Variants in MYO1D observed in about 807,000 individuals in gnomAD.
MYO1D encodes myosin ID.
MYO1D carries 83 observed loss-of-function variants against 122.0 expected under a neutral mutation model. The ratio of observed to expected loss-of-function variants is 0.68; its 90% CI spans 0.57 to 0.82. MYO1D has a LOEUF of 0.82. Ranked by LOEUF, MYO1D falls within the 40% of genes least tolerant of loss-of-function variation. The pLI is 0.00. For synonymous variants in MYO1D, 464 were observed against 446.9 expected (o/e 1.04, Z -0.48); for missense variants, 1,157 against 1,269.5 (o/e 0.91, Z 1.35).
chr17:32,796,560 G>A (rs908210430), intron 1 of MYO1D, among the ~76,000 whole-genome samples: 5 of 152,040 alleles, frequency 3.3e-5, no homozygotes, highest in African/African-American at 7.2e-5. Flanking sequence ...CTACAGGCGC[G>A]GGCCACCACA....
chr17:32,554,160 A>G (rs2150886356), intron 21 of MYO1D, among the ~76,000 whole-genome samples: 1 of 152,198 alleles, frequency 6.6e-6, no homozygotes, highest in African/African-American at 2.4e-5. Context: ...TTAAAACTCC[A>G]CTGGGATTCT....
intron 20 of MYO1D, among the ~76,000 whole-genome samples, chr17:32,613,654 A>G (rs321147): frequency 1.1e-4 from 16 of 152,032 alleles, no homozygotes; most frequent in South Asian, 2.1e-4. Context: ...CGTGCCTGTA[A>G]TCCCAGCTAC....
chr17:32,778,602 C>T (rs778020486), intron 2 of MYO1D, 29 bp from the exon 3 acceptor site: 2 of 1,563,542 alleles, frequency 1.3e-6, no homozygotes. Context: ...CAGGGCTTAA[C>T]ATAATAATTT....
chr17:32,683,333 TAG>T lies in MYO1D; in HGVS notation c.2122-23997_2122-23996del, dbSNP rs1411507751. Among the ~76,000 whole-genome samples the T allele has an allele frequency of 7.9e-5, 12 of 152,360 alleles. No individual in the cohort carries two copies. The South Asian group carries it at 1.0e-3, about 13-fold the overall frequency. On this transcript the variant is annotated intron_variant, in intron 16 of 21. Transcript: ENST00000318217. The stretch of plus-strand genomic sequence containing the variant: ...GGAGGAGGAGAGACGCTCTGTGTTT[TAG>T]AGTTTCCAGTTTTTCTGTTCTGTTT...
At chr17:32,794,051 T>C (rs565890878) in intron 1 of MYO1D, 1 of 152,374 alleles carries the variant, frequency 6.6e-6, no homozygotes, top group African/African-American at 2.4e-5. Flanking sequence ...GCTATGTTTC[T>C]GTTTAACATC....
rs2091240894 is a variant in MYO1D, at chr17:32,876,987, G to GGCGCGCGCGCCGCGAGGCTACGGGGAGGC, written c.-116_-115insGCCTCCCCGTAGCCTCGCGGCGCGCGCGC. The stretch of plus-strand genomic sequence containing the variant: ...GCCGCGCCGCGAGGCTACGGGGAGG[G>GGCGCGCGCGCCGCGAGGCTACGGGGAGGC]GGCGCGCACGCCGCTCGGCGGGTCC... On this transcript the variant is annotated 5_prime_UTR_variant, in exon 1 of 22. Coordinates refer to ENST00000318217, the MANE Select transcript of MYO1D (RefSeq NM_015194.3). 3 of 446,022 alleles carry GGCGCGCGCGCCGCGAGGCTACGGGGAGGC rather than the reference G, an allele frequency of 6.7e-6. No individual in the cohort carries two copies. The East Asian group carries it at 1.5e-4, about 23-fold the overall frequency. 27.6% of individuals were successfully genotyped at this position (446,022 alleles called of 1,614,324 possible).
intron 21 of MYO1D, among the ~76,000 whole-genome samples, chr17:32,567,203 A>C (rs1313932076): frequency 6.6e-6 from 1 of 152,196 alleles, no homozygotes; most frequent in Non-Finnish European, 1.5e-5. Context: ...GCATTTGTCT[A>C]AGCATCCTGA....
At chr17:32,865,336 C>T (rs1372819937) in intron 1 of MYO1D, among the ~76,000 whole-genome samples, 2 of 150,690 alleles carry the variant, frequency 1.3e-5, no homozygotes, top group South Asian at 2.1e-4. Flanking sequence ...TGGTCAGAGG[C>T]GAAATTTGTT....
rs151077031 is a variant in MYO1D at position 32,648,584 on chromosome 17, G to A, written c.2595+5259C>T. Among the ~76,000 whole-genome samples the A allele has an allele frequency of 3.7e-3, 568 of 152,284 alleles. 4 individuals are homozygous for A. The highest frequency in any genetic ancestry group is 0.013 in the African/African-American group (532 of 41,550). Reference sequence around the variant, plus strand: ...TTCAGCCCCACCCCTTAACCTTCACGGAGGGGAGAGGGGCTGGAGATTAAG... The same window carrying A: ...TTCAGCCCCACCCCTTAACCTTCACAGAGGGGAGAGGGGCTGGAGATTAAG... On this transcript the variant is annotated intron_variant, in intron 19 of 21. Transcript: ENST00000318217.
intron 16 of MYO1D, among the ~76,000 whole-genome samples, chr17:32,683,671 T>C (rs1246432386): frequency 2.6e-5 from 4 of 151,770 alleles, no homozygotes; most frequent in Non-Finnish European, 4.4e-5. Flanking sequence ...GACAGGGACA[T>C]TTAAGTCTGC....
chr17:32,775,943 A>C lies in MYO1D; in HGVS notation c.485T>G (p.Phe162Cys). The change falls in exon 4 of 22, where the codon TTT (phenylalanine) becomes TGT (cysteine). Residue 162 changes from phenylalanine (F) to cysteine (C), a missense_variant. Transcript: ENST00000318217. ...AAAGTTGATATCCATGTATTTTCCA[A>C]ACCTGCTTGAGTTGTCATTACGGTT... ...KTNRNDNSSR[F>C]GKYMDINFDF... The C allele has an allele frequency of 6.2e-7, 1 of 1,613,940 alleles. No homozygotes were observed. The highest frequency in any genetic ancestry group is 1.3e-5 in the African/African-American group (1 of 75,020).
chr17:32,520,334 A>G (rs1240128877), intron 21 of MYO1D, among the ~76,000 whole-genome samples: 1 of 152,210 alleles, frequency 6.6e-6, no homozygotes, highest in African/African-American at 2.4e-5. Context: ...GCCTCCGGAA[A>G]GCAATAGCGA....
In MYO1D at chr17:32,626,336, C is replaced by T. The variant is rs893342390; in HGVS notation, c.2709+12386G>A. 2.6e-5 allele frequency among the ~76,000 whole-genome samples: 4 copies of T among 152,316 alleles called. No homozygotes were observed. In the South Asian group the frequency reaches 8.3e-4, roughly 32 times the overall value. On this transcript the variant is annotated intron_variant, in intron 20 of 21. Coordinates refer to ENST00000318217, the MANE Select transcript of MYO1D (RefSeq NM_015194.3). ...GTAGAGATGTAAAAAATATATACAT[C>T]TCCGTGTATGGCTTTGTTTTAAAGC...
intron 21 of MYO1D, among the ~76,000 whole-genome samples, chr17:32,574,073 C>T (rs1478490405): frequency 1.3e-5 from 2 of 150,644 alleles, no homozygotes; most frequent in Non-Finnish European, 3.0e-5. Context: ...AGGATGGTCT[C>T]GATCTCCTGA....
intron 1 of MYO1D, among the ~76,000 whole-genome samples, chr17:32,790,868 G>A (rs2090343443): frequency 6.6e-6 from 1 of 152,142 alleles, no homozygotes; most frequent in South Asian, 2.1e-4. Context: ...ATAAAGGCCT[G>A]GAAATACCAT....
At chr17:32,742,925 A>G (rs1185433859) in intron 13 of MYO1D, among the ~76,000 whole-genome samples, 1 of 152,180 alleles carries the variant, frequency 6.6e-6, no homozygotes, top group Non-Finnish European at 1.5e-5. Flanking sequence ...CTACATGGAA[A>G]CCAGTGTTGT....
chr17:32,549,453 G>A (rs1361749851), intron 21 of MYO1D, among the ~76,000 whole-genome samples: 3 of 152,176 alleles, frequency 2.0e-5, no homozygotes, highest in Non-Finnish European at 2.9e-5. Flanking sequence ...AGGAATCCCT[G>A]GGCCACCTTC....
intron 16 of MYO1D, among the ~76,000 whole-genome samples, chr17:32,666,816 A>G (rs569040017): frequency 6.6e-6 from 1 of 152,372 alleles, no homozygotes; most frequent in South Asian, 2.1e-4. Context: ...TCTGAATTAG[A>G]CATTCTCTTG....
chr17:32,495,014 T>C, intron 21 of MYO1D, 99 bp from the exon 22 acceptor site: 1 of 1,387,622 alleles, frequency 7.2e-7, no homozygotes. Context: ...CGGCGCAGCC[T>C]GCTTCCTCCA....
Sources: allele counts gnomAD v4.1 joint callset (sites outside exome capture counted in the v4.1 genomes callset), GRCh38; gene constraint gnomAD v4.1.1; transcripts MANE v1.5; gene names NCBI Gene and HGNC (gene_info 2026-07-23, HGNC 2026-07-21).